KSR2: variants seen among roughly 807,000 people sequenced by gnomAD.
The protein encoded by KSR2 is kinase suppressor of ras 2.
A neutral mutation model predicts 107.8 loss-of-function variants in KSR2; 25 were observed. The ratio of observed to expected loss-of-function variants is 0.23; its 90% CI spans 0.17 to 0.32. The LOEUF (loss-of-function observed/expected upper bound fraction) is 0.32, where lower values mean the gene tolerates loss of function less well. Among genes scored for constraint, KSR2 ranks in the 10% least tolerant of loss-of-function variants. KSR2 has a pLI of 1.00. For synonymous variants in KSR2, 480 were observed against 507.0 expected (o/e 0.95, Z 0.71); for missense variants, 887 against 1,268.9 (o/e 0.70, Z 4.57).
At chr12:117,604,679 GAATAT>G (rs1210130727) in intron 5 of KSR2, among the ~76,000 whole-genome samples, 2 of 152,076 alleles carry the variant, frequency 1.3e-5, no homozygotes, top group African/African-American at 4.8e-5. Flanking sequence ...AATTGTTAAT[GAATAT>G]GTTAATTCAA....
intron 4 of KSR2, among the ~76,000 whole-genome samples, chr12:117,715,607 G>C (rs1261503954): frequency 6.6e-6 from 1 of 152,226 alleles, no homozygotes; most frequent in Non-Finnish European, 1.5e-5. Context: ...TCTTAGGTCA[G>C]CAAATGTTTT....
In KSR2 at chr12:117,606,211, G is replaced by GT. The variant is rs567231734; in HGVS notation, c.1172-23853dup. On this transcript the variant is annotated intron_variant, in intron 5 of 19. Transcript: ENST00000339824. ...CCTGATATTCAAGCAGATATAGACA[G>GT]TTTCCTTAGTGATTGACTCCTAATG... Among the ~76,000 whole-genome samples, 347 of 152,224 alleles carry GT rather than the reference G, an allele frequency of 2.3e-3. 2 individuals are homozygous for GT. The highest frequency in any genetic ancestry group is 5.0e-4 in the Non-Finnish European group (34 of 68,000).
chr12:117,678,367 A>G (rs1375626738), intron 4 of KSR2, among the ~76,000 whole-genome samples: 3 of 146,326 alleles, frequency 2.1e-5, no homozygotes, highest in African/African-American at 7.6e-5. Flanking sequence ...CGCCCCCACC[A>G]ACCCTTGCCA....
At chr12:117,756,222 T>C (rs897964614) in intron 4 of KSR2, among the ~76,000 whole-genome samples, 1 of 152,226 alleles carries the variant, frequency 6.6e-6, no homozygotes, top group Non-Finnish European at 1.5e-5. Context: ...GAAACAGTCT[T>C]ATATTCAACG....
chr12:117,590,458 T>A (rs186926960), intron 5 of KSR2, among the ~76,000 whole-genome samples: 11 of 152,290 alleles, frequency 7.2e-5, no homozygotes, highest in African/African-American at 2.6e-4. Context: ...ATAAAAAAAG[T>A]GGTCATTGTA....
At chr12:117,642,895 A>C (rs2136410172) in intron 5 of KSR2, among the ~76,000 whole-genome samples, 1 of 152,188 alleles carries the variant, frequency 6.6e-6, no homozygotes, top group Admixed American at 6.5e-5. Context: ...GGAAGGGGAG[A>C]CCCAGGGGAT....
intron 5 of KSR2, among the ~76,000 whole-genome samples, chr12:117,634,634 G>A (rs759462605): frequency 1.3e-4 from 20 of 152,142 alleles, no homozygotes; most frequent in Non-Finnish European, 1.8e-4. Flanking sequence ...AAGAGAACCG[G>A]CCACAGGGAA....
intron 1 of KSR2, among the ~76,000 whole-genome samples, chr12:117,939,888 C>G (rs1364389896): frequency 6.7e-6 from 1 of 150,234 alleles, no homozygotes; most frequent in Admixed American, 6.7e-5. Context: ...TTGCAGTGAG[C>G]CAAGATCGCG....
chr12:117,964,048 C>A (rs771014955), intron 1 of KSR2, among the ~76,000 whole-genome samples: 5 of 152,182 alleles, frequency 3.3e-5, no homozygotes, highest in Non-Finnish European at 7.3e-5. Context: ...GAGGCCGAGG[C>A]GGGCAGATCA....
At chr12:117,609,010 T>G (rs959936037) in intron 5 of KSR2, among the ~76,000 whole-genome samples, 1 of 152,118 alleles carries the variant, frequency 6.6e-6, no homozygotes, top group Non-Finnish European at 1.5e-5. Context: ...CCCCTTCCCT[T>G]ACTCATATTC....
chr12:117,525,628 C>T (rs1297053932), intron 13 of KSR2, among the ~76,000 whole-genome samples: 1 of 152,194 alleles, frequency 6.6e-6, no homozygotes, highest in African/African-American at 2.4e-5. Flanking sequence ...ACTTGAATAT[C>T]CGATGGCCTT....
intron 3 of KSR2, among the ~76,000 whole-genome samples, chr12:117,791,427 C>T (rs1273209071): frequency 1.3e-5 from 2 of 152,200 alleles, no homozygotes; most frequent in African/African-American, 2.4e-5. Flanking sequence ...GGAATATAAG[C>T]TTCTTAAAAG....
intron 1 of KSR2, among the ~76,000 whole-genome samples, chr12:117,931,653 G>A (rs912780866): frequency 2.6e-5 from 4 of 152,172 alleles, no homozygotes; most frequent in Non-Finnish European, 4.4e-5. Context: ...TTGCTATTCT[G>A]CTTTAGGAAT....
intron 4 of KSR2, among the ~76,000 whole-genome samples, chr12:117,751,490 T>C (rs574806514): frequency 5.6e-4 from 86 of 152,302 alleles, no homozygotes; most frequent in Middle Eastern, 3.4e-3. Context: ...TGGGCCACAG[T>C]GCTCATCAAA....
chr12:117,875,333 ATT>A (rs56091034), intron 1 of KSR2, among the ~76,000 whole-genome samples: 18,538 of 137,904 alleles, frequency 0.13, 1,665 homozygotes, highest in East Asian at 0.45. Context: ...CTTAGGTGCT[ATT>A]TTTTTTTTTT....
At chr12:117,918,847 G>A (rs968692139) in intron 1 of KSR2, among the ~76,000 whole-genome samples, 20 of 151,804 alleles carry the variant, frequency 1.3e-4, no homozygotes, top group Admixed American at 3.9e-4. Context: ...GCTCACACCT[G>A]TAATCCCAGC....
chr12:117,542,526 G>A (rs1876576056), intron 9 of KSR2, among the ~76,000 whole-genome samples: 1 of 151,996 alleles, frequency 6.6e-6, no homozygotes, highest in South Asian at 2.1e-4. Flanking sequence ...CCATCAAAAC[G>A]AAGATCCCTC....
chr12:117,821,038 G>A (rs1000370379), intron 3 of KSR2, among the ~76,000 whole-genome samples: 1 of 152,070 alleles, frequency 6.6e-6, no homozygotes, highest in Non-Finnish European at 1.5e-5. Context: ...TGAGACTCTG[G>A]GCAAATGACA....
chr12:117,635,936 C>T (rs550000261), intron 5 of KSR2, among the ~76,000 whole-genome samples: 2 of 152,094 alleles, frequency 1.3e-5, no homozygotes, highest in African/African-American at 4.8e-5. Context: ...GGATTACAGG[C>T]ACACACCACC....
Sources: gnomAD v4.1 joint callset for allele counts (sites outside exome capture counted in the v4.1 genomes callset) on GRCh38, gnomAD v4.1.1 for gene constraint, MANE v1.5 for transcripts, NCBI Gene and HGNC (gene_info 2026-07-23, HGNC 2026-07-21) for gene names.